The following RBMS3 variants were observed in gnomAD, a reference collection of about 807,000 sequenced individuals.
RBMS3 encodes RNA-binding motif, single-stranded-interacting protein 3.
In RBMS3, 27 loss-of-function variants were observed where a neutral mutation model predicts 66.8. The ratio of observed to expected loss-of-function variants is 0.40; its 90% CI spans 0.30 to 0.56. RBMS3 has a LOEUF of 0.56. Among genes scored for constraint, RBMS3 ranks in the 20% least tolerant of loss-of-function variants. The pLI, the probability that RBMS3 is intolerant of heterozygous loss-of-function variation, is 0.40. For synonymous variants in RBMS3, 188 were observed against 183.0 expected (o/e 1.03, Z -0.22); for missense variants, 513 against 549.5 (o/e 0.93, Z 0.66).
intron 1 of RBMS3, among the ~76,000 whole-genome samples, chr3:29,310,374 A>G (rs1308659775): frequency 1.3e-5 from 2 of 151,758 alleles, no homozygotes; most frequent in Non-Finnish European, 2.9e-5. Context: ...TTCAGGCTTT[A>G]TAGTTCAATA....
At chr3:29,824,370 C>T (rs2058151249) in intron 6 of RBMS3, among the ~76,000 whole-genome samples, 1 of 152,104 alleles carries the variant, frequency 6.6e-6, no homozygotes, top group Admixed American at 6.6e-5. Flanking sequence ...TCTTGGACTT[C>T]CTAGCCTCAA....
chr3:29,581,522 C>T (rs1399319776), intron 3 of RBMS3, among the ~76,000 whole-genome samples: 4 of 152,104 alleles, frequency 2.6e-5, no homozygotes. Flanking sequence ...TTGCTAAGCC[C>T]AAATGGAAGG....
At chr3:29,753,346 A>G (rs1319503662) in intron 5 of RBMS3, among the ~76,000 whole-genome samples, 1 of 152,100 alleles carries the variant, frequency 6.6e-6, no homozygotes, top group Non-Finnish European at 1.5e-5. Flanking sequence ...TCCACAATGC[A>G]CCTCACTGCA....
chr3:29,384,435 T>TAATAATAATAATAATAAGAAGAAG (rs776357215), intron 1 of RBMS3, among the ~76,000 whole-genome samples: 39 of 141,104 alleles, frequency 2.8e-4, no homozygotes, highest in East Asian at 1.0e-3. Context: ...ATAATAATAA[T>TAATAATAATAATAATAAGAAGAAG]AAGAAGAAGA....
intron 1 of RBMS3, among the ~76,000 whole-genome samples, chr3:29,392,100 C>T (rs1241372990): frequency 6.6e-6 from 1 of 151,686 alleles, no homozygotes; most frequent in African/African-American, 2.4e-5. Flanking sequence ...AAATACAAAA[C>T]TGAGCCAGGC....
chr3:29,966,082 G>A (rs542183823), intron 12 of RBMS3, among the ~76,000 whole-genome samples: 1 of 152,186 alleles, frequency 6.6e-6, no homozygotes, highest in South Asian at 2.1e-4. Context: ...TGTTCCATTG[G>A]TCTATGTGCC....
At chr3:29,700,027 CTAG>C (rs10540932) in intron 4 of RBMS3, among the ~76,000 whole-genome samples, 3,235 of 152,190 alleles carry the variant, frequency 0.021, 113 homozygotes, top group African/African-American at 0.072. Flanking sequence ...CATTGGCACC[CTAG>C]TAGTTATATT....
chr3:29,708,551 T>C (rs180918940), intron 4 of RBMS3, among the ~76,000 whole-genome samples: 43 of 152,316 alleles, frequency 2.8e-4, no homozygotes, highest in Admixed American at 1.4e-3. Context: ...CTGTGCAAAC[T>C]TAATTTCTTT....
At chr3:29,664,765 T>C (rs1163464189) in intron 4 of RBMS3, among the ~76,000 whole-genome samples, 1 of 152,128 alleles carries the variant, frequency 6.6e-6, no homozygotes, top group Non-Finnish European at 1.5e-5. Flanking sequence ...TTTTGGATGT[T>C]AATTAAAACC....
chr3:29,336,622 G>A (rs1005180008), intron 1 of RBMS3, among the ~76,000 whole-genome samples: 3 of 152,070 alleles, frequency 2.0e-5, no homozygotes, highest in Non-Finnish European at 4.4e-5. Context: ...CAGCTACCAT[G>A]TCTTAGGCAT....
chr3:29,479,291 G>A (rs2043053877), intron 2 of RBMS3, among the ~76,000 whole-genome samples: 1 of 150,412 alleles, frequency 6.6e-6, no homozygotes, highest in Non-Finnish European at 1.5e-5. Context: ...TAATGTATAT[G>A]TGTATGTGTA....
chr3:29,942,479 T>C (rs1162159643), intron 11 of RBMS3, among the ~76,000 whole-genome samples: 1 of 151,712 alleles, frequency 6.6e-6, no homozygotes, highest in Non-Finnish European at 1.5e-5. Context: ...GCTATGATTG[T>C]GCCACTGCAC....
At chr3:29,380,587 C>T (rs34755664) in intron 1 of RBMS3, among the ~76,000 whole-genome samples, 3,277 of 152,166 alleles carry the variant, frequency 0.022, 44 homozygotes, top group Non-Finnish European at 0.029. Context: ...TCATAGATAA[C>T]GAAACTGAGT....
chr3:29,532,246 G>A (rs35910), intron 3 of RBMS3, among the ~76,000 whole-genome samples: 16,388 of 87,674 alleles, frequency 0.19, 1,743 homozygotes, highest in Middle Eastern at 0.24. Flanking sequence ...GCATATATAT[G>A]TATATATATA....
intron 6 of RBMS3, among the ~76,000 whole-genome samples, chr3:29,861,575 T>C (rs182717434): frequency 2.4e-4 from 37 of 152,346 alleles, no homozygotes; most frequent in Admixed American, 1.6e-3. Flanking sequence ...CAATAGCATA[T>C]TAAAGAACAT....
At chr3:29,451,579 G>GT (rs966770358) in intron 2 of RBMS3, among the ~76,000 whole-genome samples, 15 of 151,436 alleles carry the variant, frequency 9.9e-5, no homozygotes, top group African/African-American at 3.4e-4. Context: ...TGTGGTTTTT[G>GT]TTTTTTTCAG....
At chr3:29,412,885 G>C (rs2040323046) in intron 1 of RBMS3, among the ~76,000 whole-genome samples, 1 of 152,208 alleles carries the variant, frequency 6.6e-6, no homozygotes, top group Non-Finnish European at 1.5e-5. Flanking sequence ...GAATAGGCTT[G>C]GCTACTGGGG....
At chr3:29,435,672 C>T (rs955757371) in intron 2 of RBMS3, among the ~76,000 whole-genome samples, 2 of 152,204 alleles carry the variant, frequency 1.3e-5, no homozygotes, top group Non-Finnish European at 2.9e-5. Context: ...GGCACAGTGG[C>T]TCACGCCTGT....
intron 4 of RBMS3, among the ~76,000 whole-genome samples, chr3:29,689,114 TAG>T (rs1324404155): frequency 2.3e-3 from 63 of 27,516 alleles, no homozygotes; most frequent in African/African-American, 0.01. Context: ...GATATAGATA[TAG>T]ATATAGATAT....
Sources: allele counts gnomAD v4.1 joint callset (sites outside exome capture counted in the v4.1 genomes callset), GRCh38; gene constraint gnomAD v4.1.1; transcripts MANE v1.5; gene names NCBI Gene and HGNC (gene_info 2026-07-23, HGNC 2026-07-21).